The following DST variants were observed in gnomAD, a reference collection of about 807,000 sequenced individuals.
DST encodes the protein bullous pemphigoid antigen.
In DST, 253 loss-of-function variants were observed where a neutral mutation model predicts 875.2. That is an observed-to-expected ratio of 0.29 (90% confidence interval 0.26 to 0.32). DST has a LOEUF of 0.32. Ranked by LOEUF, DST falls within the 10% of genes least tolerant of loss-of-function variation. DST has a pLI of 1.00. For synonymous variants in DST, 3,124 were observed against 3,197.1 expected, an observed-to-expected ratio of 0.98 and a Z score of 0.77; for missense variants, 8,287 against 9,111.6, an observed-to-expected ratio of 0.91 and a Z score of 3.68.
chr6:56,464,904 C>T, intron 99 of DST, 148 bp from the exon 100 acceptor site: 1 of 640,678 alleles, frequency 1.6e-6, no homozygotes, highest in Non-Finnish European at 2.7e-6. Flanking sequence ...GGAAAAGAAG[C>T]ACTCAAGGGA....
rs750704322 is a variant in DST, at chr6:56,618,713, C to T, written c.4930-4229G>A. On this transcript the variant is annotated intron_variant, in intron 36 of 103. Coordinates refer to ENST00000680361, the MANE Select transcript of DST (RefSeq NM_001374736.1). ...AAGAGACACAAAGTCAAGCCTAATGCCTGAAATATCATTTTCAGTGATGAC... is the reference window on the plus strand; with the variant it reads ...AAGAGACACAAAGTCAAGCCTAATGTCTGAAATATCATTTTCAGTGATGAC... 4 of 1,613,862 alleles carry T rather than the reference C, an allele frequency of 2.5e-6. No individual in the cohort carries two copies. The highest frequency in any genetic ancestry group is 2.2e-5 in the East Asian group (1 of 44,876).
At chr6:56,907,809 T>C (rs982445736) in intron 2 of DST, among the ~76,000 whole-genome samples, 1 of 152,200 alleles carries the variant, frequency 6.6e-6, no homozygotes, top group Admixed American at 6.5e-5. Context: ...CAAACTACTG[T>C]CAAGTTTACT....
chr6:56,713,946 T>A (rs967921662), intron 5 of DST, among the ~76,000 whole-genome samples: 3 of 152,236 alleles, frequency 2.0e-5, no homozygotes, highest in Admixed American at 2.0e-4. Flanking sequence ...ACTGGTTGCA[T>A]CCTCTTCATT....
chr6:56,763,323 T>C (rs2099622289), intron 4 of DST, among the ~76,000 whole-genome samples: 1 of 152,196 alleles, frequency 6.6e-6, no homozygotes, highest in South Asian at 2.1e-4. Context: ...TGCTTCTTTA[T>C]GCCTGGATCA....
In DST at chr6:56,604,693, G is replaced by A. The variant is rs2098478392; in HGVS notation, c.9935C>T (p.Ser3312Leu). Residue 3312 changes from serine (S) to leucine (L), a missense_variant, in exon 40 of 104, where the codon TCA (serine) becomes TTA (leucine). This residue lies in a region of DST where 3,138 missense variants were observed against 3,116.6 expected (regional missense o/e 1.01). Transcript: ENST00000680361. ...TTTCTTATTATTAATTTCTAAGAAT[G>A]AATAGTCAGTATTTAAAGTGTTACT... ...NSSNTLNTDYSFLEINNKKER... is the reference protein window; with the variant it reads ...NSSNTLNTDYLFLEINNKKER... 1 of 1,611,612 alleles carries A rather than the reference G, an allele frequency of 6.2e-7. No individual in the cohort carries two copies. The highest frequency in any genetic ancestry group is 8.5e-7 in the Non-Finnish European group (1 of 1,178,626).
intron 69 of DST, among the ~76,000 whole-genome samples, chr6:56,520,101 G>A (rs969953472): frequency 2.0e-5 from 3 of 151,990 alleles, no homozygotes; most frequent in Admixed American, 2.0e-4. Flanking sequence ...AAATGTAACT[G>A]AAATAAAAAT....
chr6:56,497,336 T>C, intron 82 of DST, 43 bp downstream of exon 82: 1 of 1,597,312 alleles, frequency 6.3e-7, no homozygotes, highest in South Asian at 1.1e-5. Context: ...ACATGGTCAG[T>C]TTGTTATTCT....
At chr6:56,635,461 G>A (rs2098816022) in intron 24 of DST, 128 bp downstream of exon 24, 8 of 935,074 alleles carry the variant, frequency 8.6e-6, no homozygotes, top group Admixed American at 6.8e-5. Flanking sequence ...AAAACTGAAT[G>A]TGCAAATGTG....
chr6:56,618,502 G>A (rs1431199008), intron 36 of DST: 1 of 1,614,012 alleles, frequency 6.2e-7, no homozygotes, highest in South Asian at 1.1e-5. Flanking sequence ...TTTGCTTCAG[G>A]TTTTCAACCT....
chr6:56,683,346 CT>C (rs1376394687), intron 9 of DST, among the ~76,000 whole-genome samples: 1 of 152,192 alleles, frequency 6.6e-6, no homozygotes. Flanking sequence ...TAGTAACAGC[CT>C]CCTAACTAGT....
intron 69 of DST, 106 bp from the exon 70 acceptor site, chr6:56,517,726 G>A (rs778641721): frequency 7.2e-5 from 96 of 1,337,874 alleles, no homozygotes; most frequent in South Asian, 1.6e-4. Context: ...TGGAAAATCC[G>A]AGCTTGTCTC....
chr6:56,653,350 G>A (rs1349290952), intron 10 of DST, among the ~76,000 whole-genome samples: 1 of 152,102 alleles, frequency 6.6e-6, no homozygotes. Flanking sequence ...AGCAGATAAA[G>A]AAAATTAGTT....
At chr6:56,851,995 T>C in intron 3 of DST, 1 of 1,444,016 alleles carries the variant, frequency 6.9e-7, no homozygotes. Context: ...ATATTTTCCA[T>C]TACTAGCCTG....
In DST at chr6:56,504,365, A is replaced by G. The variant is rs74772521; in HGVS notation, c.19465-267T>C. Reference sequence around the variant, plus strand: ...TGATATATTATGAACTTCTAAAAAAATCATTTGAAAACATTTATAGAATCC... The same window carrying G: ...TGATATATTATGAACTTCTAAAAAAGTCATTTGAAAACATTTATAGAATCC... On this transcript the variant is annotated intron_variant, in intron 77 of 103. Coordinates refer to ENST00000680361, the MANE Select transcript of DST (RefSeq NM_001374736.1). Among the ~76,000 whole-genome samples the G allele has an allele frequency of 3.1e-3, 466 of 152,288 alleles. 1 individual carries two copies. Among genetic ancestry groups the G allele is most frequent in the African/African-American group, 9.9e-3 (412 of 41,584 alleles).
At chr6:56,543,482 TAAAC>T (rs1271704694) in intron 61 of DST, among the ~76,000 whole-genome samples, 1 of 152,184 alleles carries the variant, frequency 6.6e-6, no homozygotes, top group African/African-American at 2.4e-5. Flanking sequence ...AGATATTTAA[TAAAC>T]AAAATCACCT....
rs1365024585 is a variant in DST at position 56,642,041 on chromosome 6, T to A, written c.1933A>T (p.Ile645Leu). ...FQNEAEIAGY[I>L]LECENLLRQH... ...CGTAAAAGGTTCTCACATTCAAGTA[T>A]ATACCCAGCAATTTCTGCTTCATTC... The change falls in exon 17 of 104, where the codon ATA (isoleucine) becomes TTA (leucine). Residue 645 changes from isoleucine (I) to leucine (L), a missense_variant. Coordinates refer to ENST00000680361, the MANE Select transcript of DST (RefSeq NM_001374736.1). 1 of 1,612,896 alleles carries A rather than the reference T, an allele frequency of 6.2e-7. No individual in the cohort carries two copies. Among genetic ancestry groups the A allele is most frequent in the Middle Eastern group, 1.7e-4 (1 of 6,044 alleles).
rs369312019 is a variant in DST at position 56,459,198 on chromosome 6, C to T, written c.23264G>A (p.Arg7755His). The change falls in exon 104 of 104, where the codon CGC becomes CAC. Residue 7755 changes from arginine to histidine, a missense_variant. By Grantham distance (29) the Arg-to-His change is conservative. Around this residue, in one of 10 missense-constraint regions of DST, gnomAD observed 240 missense variants for 237.3 expected, o/e 1.01. Coordinates refer to ENST00000680361, the MANE Select transcript of DST (RefSeq NM_001374736.1). ...AAAGTCTGATGCATCACTGCCTCGG[C>T]GGCTGCTGGCCCTGCTGCCAGCTTT... The part of the protein sequence containing the change: ...GSKAGSRASS[R>H]RGSDASDFDI... 5.1e-5 allele frequency: 82 copies of T among 1,613,600 alleles called. No homozygotes were observed. The highest frequency in any genetic ancestry group is 6.7e-5 in the East Asian group (3 of 44,874).
At chr6:56,918,875 C>T (rs879671236) in intron 2 of DST, among the ~76,000 whole-genome samples, 20 of 152,082 alleles carry the variant, frequency 1.3e-4, no homozygotes, top group Non-Finnish European at 2.4e-4. Context: ...GCCTGGGTGA[C>T]GGAGTGAGTT....
intron 10 of DST, among the ~76,000 whole-genome samples, chr6:56,658,404 G>A (rs1448518838): frequency 6.6e-6 from 1 of 152,094 alleles, no homozygotes; most frequent in Non-Finnish European, 1.5e-5. Context: ...AATTACAGAA[G>A]TTAGAACAAA....
Sources: allele counts gnomAD v4.1 joint callset (sites outside exome capture counted in the v4.1 genomes callset), GRCh38; gene constraint gnomAD v4.1.1; regional missense constraint gnomAD v4.1.1; transcripts MANE v1.5; gene names NCBI Gene and HGNC (gene_info 2026-07-23, HGNC 2026-07-21).